Variants in WDR19 observed in about 807,000 individuals in gnomAD.
WDR19 encodes WD repeat domain 19, also known as WD repeat-containing protein 19.
WDR19 carries 121 observed loss-of-function variants against 180.0 expected under a neutral mutation model. The ratio of observed to expected loss-of-function variants is 0.67; its 90% CI spans 0.58 to 0.78. The LOEUF is 0.78. Among genes scored for constraint, WDR19 ranks in the 30% least tolerant of loss-of-function variants. The pLI is 0.00. For missense variants in WDR19, 1,450 were observed against 1,640.7 expected (o/e 0.88, Z 2.01); for synonymous variants, 497 against 540.7 (o/e 0.92, Z 1.12).
chr4:39,243,044 G>GAATGAA (rs1560530067), intron 21 of WDR19, among the ~76,000 whole-genome samples: 1 of 152,080 alleles, frequency 6.6e-6, no homozygotes, highest in Non-Finnish European at 1.5e-5. Flanking sequence ...CTAGGCAATA[G>GAATGAA]AATGAGACCC....
Position 39,274,909 on chromosome 4 carries a change from C to G in WDR19, c.3667C>G (p.Arg1223Gly). ...AGCTATGTTGATGAGGCCTGAATACCGCAGCAAAATAGATGCCAAATACAA... is the reference window on the plus strand; with the variant it reads ...AGCTATGTTGATGAGGCCTGAATACGGCAGCAAAATAGATGCCAAATACAA... Reference protein sequence around the residue: ...FAAMLMRPEYRSKIDAKYKKK... With the variant: ...FAAMLMRPEYGSKIDAKYKKK... Residue 1223 changes from arginine (R) to glycine (G), a missense_variant, in exon 33 of 37, where the codon CGC becomes GGC. Transcript: ENST00000399820. 1.9e-6 allele frequency: 3 copies of G among 1,613,982 alleles called. No homozygotes were observed. The highest frequency in any genetic ancestry group is 2.5e-6 in the Non-Finnish European group (3 of 1,179,888).
intron 32 of WDR19, 24 bp from the exon 33 acceptor site, chr4:39,274,784 C>T (rs1440332137): frequency 6.2e-6 from 10 of 1,605,450 alleles, no homozygotes; most frequent in Non-Finnish European, 8.5e-6. Context: ...TGTGCTGTTG[C>T]TGCTCTCCCC....
chr4:39,214,517 C>T lies in WDR19; in HGVS notation c.891-84C>T, dbSNP rs1030197856. ...ACATTTTGGAGACCAGTAACCTATT[C>T]CATGGTTTGTAATTTTTTGTGAATT... On this transcript the variant is annotated intron_variant, in intron 9 of 36. Transcript: ENST00000399820. The T allele has an allele frequency of 5.3e-5, 41 of 779,840 alleles. No individual in the cohort carries two copies. In the Middle Eastern group the frequency reaches 1.5e-3, roughly 28 times the overall value. 48.3% of individuals were successfully genotyped at this position (779,840 alleles called of 1,614,324 possible).
intron 14 of WDR19, 168 bp downstream of exon 14, chr4:39,218,273 A>C: frequency 1.1e-6 from 1 of 882,166 alleles, no homozygotes; most frequent in Non-Finnish European, 1.7e-6. Context: ...TGCAGTGGGG[A>C]TACATTCTGA....
intron 19 of WDR19, among the ~76,000 whole-genome samples, chr4:39,232,772 T>C (rs988148343): frequency 1.3e-5 from 2 of 151,986 alleles, no homozygotes; most frequent in Non-Finnish European, 2.9e-5. Flanking sequence ...TTAAAATTTC[T>C]CAGCACAGAC....
Position 39,218,010 on chromosome 4 carries a change from G to C in WDR19, c.1384G>C (p.Glu462Gln). 6.2e-7 allele frequency: 1 copy of C among 1,613,782 alleles called. No individual in the cohort carries two copies. The highest frequency in any genetic ancestry group is 8.5e-7 in the Non-Finnish European group (1 of 1,179,772). The change falls in exon 14 of 37, where the codon GAA (glutamate) becomes CAA (glutamine). Residue 462 changes from glutamate (E) to glutamine (Q), a missense_variant. Transcript: ENST00000399820. ...LIESEILDAQEERETRLFPAV... is the reference protein window; with the variant it reads ...LIESEILDAQQERETRLFPAV... ...AGAAAGCGAAATCTTGGATGCTCAA[G>C]AAGAACGTGAGACTCGGCTTTTCCC...
intron 17 of WDR19, among the ~76,000 whole-genome samples, chr4:39,231,319 A>C (rs1730834800): frequency 2.9e-5 from 2 of 69,268 alleles, no homozygotes; most frequent in Non-Finnish European, 6.2e-5. Context: ...CGTCTTCAAA[A>C]AAAAAAAAAA....
Position 39,231,964 on chromosome 4 carries a change from G to A in WDR19, c.2142+8G>A. On this transcript the variant is annotated splice_region_variant and intron_variant, in intron 18 of 36. Transcript: ENST00000399820. ...TCCTTGGAACAAATAAAGGTAAACAGCATGTTATAGAATTATCAAGTTAAA... is the reference window on the plus strand; with the variant it reads ...TCCTTGGAACAAATAAAGGTAAACAACATGTTATAGAATTATCAAGTTAAA... 1 of 1,607,664 alleles carries A rather than the reference G, an allele frequency of 6.2e-7. No homozygotes were observed. Among genetic ancestry groups the A allele is most frequent in the Non-Finnish European group, 8.5e-7 (1 of 1,174,996 alleles).
At chr4:39,235,855 A>G (rs1393881609) in intron 20 of WDR19, among the ~76,000 whole-genome samples, 1 of 152,216 alleles carries the variant, frequency 6.6e-6, no homozygotes, top group Non-Finnish European at 1.5e-5. Flanking sequence ...AAGAAGACAT[A>G]TAAGCAGCCA....
chr4:39,264,950 C>T (rs926557894), intron 28 of WDR19, among the ~76,000 whole-genome samples: 7 of 147,384 alleles, frequency 4.7e-5, no homozygotes, highest in African/African-American at 7.5e-5. Context: ...CAAAGTCTCA[C>T]GCTGTCGCCC....
At chr4:39,210,476 A>G (rs938300719) in intron 9 of WDR19, among the ~76,000 whole-genome samples, 2 of 152,224 alleles carry the variant, frequency 1.3e-5, no homozygotes, top group African/African-American at 2.4e-5. Flanking sequence ...TGAAGCTAGG[A>G]GTTCGAGACC....
intron 29 of WDR19, among the ~76,000 whole-genome samples, chr4:39,266,626 A>G (rs1048644501): frequency 1.3e-5 from 2 of 152,254 alleles, no homozygotes; most frequent in Admixed American, 6.5e-5. Context: ...CTCAAATGTT[A>G]TAATTTTGTT....
chr4:39,280,987 C>T (rs1304801216), intron 36 of WDR19, among the ~76,000 whole-genome samples: 1 of 151,966 alleles, frequency 6.6e-6, no homozygotes, highest in African/African-American at 2.4e-5. Context: ...ACAAATTTTC[C>T]TCATTGACAC....
At chr4:39,276,972 G>GTATTTT in intron 33 of WDR19, 48 bp from the exon 34 acceptor site, 1 of 1,607,040 alleles carries the variant, frequency 6.2e-7, no homozygotes, top group East Asian at 2.2e-5. Flanking sequence ...GCCATCCCCG[G>GTATTTT]TACATGAATA....
At chr4:39,249,504 C>G (rs1419857495) in intron 24 of WDR19, among the ~76,000 whole-genome samples, 1 of 145,278 alleles carries the variant, frequency 6.9e-6, no homozygotes, top group African/African-American at 2.6e-5. Flanking sequence ...CAGAGCAGAA[C>G]TGAAGGAGAT....
rs763696990 is a variant in WDR19, at chr4:39,228,612, A to G, written c.1904A>G (p.His635Arg). The change falls in exon 17 of 37, where the codon CAT becomes CGT. Residue 635 changes from histidine to arginine, a missense_variant. By Grantham distance (29) the His-to-Arg change is conservative (BLOSUM62 0). Transcript: ENST00000399820. Reference protein sequence around the residue: ...GKVNNIYLSTHGFLSNLKDTG... With the variant: ...GKVNNIYLSTRGFLSNLKDTG... The stretch of plus-strand genomic sequence containing the variant: ...GTAAACAACATCTACCTTAGCACCC[A>G]TGGCTTTCTCAGCAACTTAAAAGAT... The G allele has an allele frequency of 2.0e-5, 33 of 1,613,484 alleles. No homozygotes were observed. In the Admixed American group the frequency reaches 4.5e-4, roughly 22 times the overall value.
At chr4:39,209,844 G>A (rs998516743) in intron 9 of WDR19, among the ~76,000 whole-genome samples, 1 of 151,996 alleles carries the variant, frequency 6.6e-6, no homozygotes, top group Non-Finnish European at 1.5e-5. Context: ...AATGAAACAG[G>A]AGTATCCATC....
Position 39,185,830 on chromosome 4 carries a change from T to TGA in WDR19, c.98+14_98+15dup, listed in dbSNP as rs1242375565. The TGA allele has an allele frequency of 6.5e-7, 1 of 1,543,602 alleles. No homozygotes were observed. The highest frequency in any genetic ancestry group is 2.4e-5 in the East Asian group (1 of 40,852). On this transcript the variant is annotated intron_variant, in intron 2 of 36. Coordinates refer to ENST00000399820, the MANE Select transcript of WDR19 (RefSeq NM_025132.4). The stretch of plus-strand genomic sequence containing the variant: ...TTGCAGTAACAGGGTAAGAAACCAA[T>TGA]GAATGTTTTAAGCAGTGGTTGCATG...
At chr4:39,241,451 G>A (rs868274078) in intron 21 of WDR19, among the ~76,000 whole-genome samples, 116 of 138,084 alleles carry the variant, frequency 8.4e-4, no homozygotes, top group African/African-American at 2.7e-3. Context: ...CTGAGATTGC[G>A]CCATTGCACC....
Sources: gnomAD v4.1 joint callset for allele counts (sites outside exome capture counted in the v4.1 genomes callset) on GRCh38, gnomAD v4.1.1 for gene constraint, MANE v1.5 for transcripts, NCBI Gene and HGNC (gene_info 2026-07-23, HGNC 2026-07-21) for gene names.